The following FSTL5 variants were observed in gnomAD, a reference collection of about 807,000 sequenced individuals.
FSTL5 encodes the protein follistatin-related protein 5.
Under a neutral mutation model 89.1 loss-of-function variants are expected in FSTL5, and 62 were observed. The observed-to-expected ratio is 0.70, with a 90% confidence interval of 0.57 to 0.86. FSTL5 has a LOEUF of 0.86. Ranked by LOEUF, FSTL5 falls within the 40% of genes least tolerant of loss-of-function variation. The pLI is 0.00. For synonymous variants in FSTL5, 383 were observed against 346.2 expected, an observed-to-expected ratio of 1.11 and a Z score of -1.18; for missense variants, 1,057 against 1,001.6, an observed-to-expected ratio of 1.06 and a Z score of -0.75.
intron 1 of FSTL5, among the ~76,000 whole-genome samples, chr4:162,132,245 A>G (rs570434641): frequency 6.6e-6 from 1 of 152,324 alleles, no homozygotes; most frequent in South Asian, 2.1e-4. Flanking sequence ...ACCCTCATTT[A>G]TAGGGTTGGG....
At chr4:161,484,470 A>G (rs1246459810) in intron 12 of FSTL5, among the ~76,000 whole-genome samples, 1 of 152,186 alleles carries the variant, frequency 6.6e-6, no homozygotes, top group Non-Finnish European at 1.5e-5. Context: ...ACATTGCCCC[A>G]TAAATTTAAG....
rs535061052 is a variant in FSTL5, at chr4:161,435,085, C to A, written c.1841+19919G>T. ...TCCCATTGCTAGGCATATAACCCCC[C>A]AAAAAGGAAATCAGTATTTTGAAGA... On this transcript the variant is annotated intron_variant, in intron 15 of 15. Coordinates refer to ENST00000306100, the MANE Select transcript of FSTL5 (RefSeq NM_020116.5). 3.3e-5 allele frequency among the ~76,000 whole-genome samples: 5 copies of A among 152,056 alleles called. No homozygotes were observed. In the South Asian group the frequency reaches 8.3e-4, roughly 25 times the overall value.
intron 6 of FSTL5, among the ~76,000 whole-genome samples, chr4:161,673,444 A>T (rs1178732925): frequency 6.6e-6 from 1 of 152,068 alleles, no homozygotes; most frequent in South Asian, 2.1e-4. Flanking sequence ...AAAATTAAAT[A>T]CATTTCTTCC....
chr4:161,611,635 A>G (rs1413099982), intron 7 of FSTL5, among the ~76,000 whole-genome samples: 1 of 152,180 alleles, frequency 6.6e-6, no homozygotes, highest in Non-Finnish European at 1.5e-5. Context: ...CAGGAAGCAT[A>G]TTCCAGGGAG....
At chr4:161,745,620 C>T (rs759197711) in intron 6 of FSTL5, among the ~76,000 whole-genome samples, 4 of 151,520 alleles carry the variant, frequency 2.6e-5, no homozygotes, top group Admixed American at 6.6e-5. Flanking sequence ...TGATGGGGCT[C>T]CACAAAAATT....
At chr4:161,990,852 G>T (rs114239065) in intron 3 of FSTL5, among the ~76,000 whole-genome samples, 8,344 of 152,150 alleles carry the variant, frequency 0.055, 261 homozygotes, top group Non-Finnish European at 0.077. Context: ...CACACAATTT[G>T]AAATTGAACT....
intron 13 of FSTL5, among the ~76,000 whole-genome samples, chr4:161,475,761 T>G (rs1214618407): frequency 6.6e-6 from 1 of 151,052 alleles, no homozygotes; most frequent in Non-Finnish European, 1.5e-5. Flanking sequence ...CTGTTTTCCT[T>G]TTTTTTGAGA....
chr4:161,850,954 T>C (rs991338057), intron 4 of FSTL5, among the ~76,000 whole-genome samples: 12 of 152,114 alleles, frequency 7.9e-5, no homozygotes, highest in African/African-American at 2.9e-4. Context: ...AATACTAAGG[T>C]AATGGGTTGA....
At chr4:161,754,769 C>T (rs1296649753) in intron 6 of FSTL5, among the ~76,000 whole-genome samples, 1 of 151,934 alleles carries the variant, frequency 6.6e-6, no homozygotes, top group Non-Finnish European at 1.5e-5. Context: ...AGTTAAATGC[C>T]TCAATTAGTG....
chr4:161,407,342 C>T (rs534371162), intron 15 of FSTL5, among the ~76,000 whole-genome samples: 2 of 152,272 alleles, frequency 1.3e-5, no homozygotes, highest in South Asian at 4.1e-4. Context: ...ATTTCTACTA[C>T]ACCAACATAA....
At chr4:161,739,790 A>C (rs1175915058) in intron 6 of FSTL5, among the ~76,000 whole-genome samples, 1 of 152,092 alleles carries the variant, frequency 6.6e-6, no homozygotes, top group East Asian at 1.9e-4. Context: ...CAAGTTTAAA[A>C]CATGAGTAGC....
At chr4:161,957,590 G>A (rs145134734) in intron 3 of FSTL5, among the ~76,000 whole-genome samples, 8 of 151,984 alleles carry the variant, frequency 5.3e-5, no homozygotes, top group East Asian at 1.9e-4. Flanking sequence ...CTTGCTGAAG[G>A]GGGGAGGCAG....
At chr4:161,897,585 A>G (rs1733206340) in intron 4 of FSTL5, among the ~76,000 whole-genome samples, 1 of 150,980 alleles carries the variant, frequency 6.6e-6, no homozygotes, top group Non-Finnish European at 1.5e-5. Flanking sequence ...CAAAAAAAAA[A>G]AAAAAAAAAG....
intron 9 of FSTL5, among the ~76,000 whole-genome samples, chr4:161,540,423 G>T (rs1191656206): frequency 6.6e-6 from 1 of 150,640 alleles, no homozygotes; most frequent in African/African-American, 2.4e-5. Flanking sequence ...CTCTCAGCAA[G>T]TGATCTTGCT....
intron 1 of FSTL5, among the ~76,000 whole-genome samples, chr4:162,147,140 C>T (rs904297260): frequency 1.3e-5 from 2 of 152,022 alleles, no homozygotes; most frequent in African/African-American, 4.8e-5. Context: ...TTTAGTTATC[C>T]TGTTTCTCTA....
At chr4:161,677,711 C>G (rs971558448) in intron 6 of FSTL5, among the ~76,000 whole-genome samples, 8 of 151,932 alleles carry the variant, frequency 5.3e-5, no homozygotes, top group Admixed American at 1.3e-4. Flanking sequence ...ACTAAGAAGA[C>G]TGCAATTAAA....
intron 15 of FSTL5, among the ~76,000 whole-genome samples, chr4:161,402,186 C>T (rs998356916): frequency 1.3e-5 from 2 of 152,094 alleles, no homozygotes; most frequent in African/African-American, 2.4e-5. Flanking sequence ...AACGCACACA[C>T]TTCAGATGCA....
chr4:162,089,107 T>A (rs1468229054), intron 2 of FSTL5, among the ~76,000 whole-genome samples: 1 of 152,102 alleles, frequency 6.6e-6, no homozygotes, highest in Non-Finnish European at 1.5e-5. Flanking sequence ...TTTCCCTCTC[T>A]CTCTCTCTCA....
At chr4:161,935,602 T>G (rs1257136576) in intron 3 of FSTL5, among the ~76,000 whole-genome samples, 1 of 152,142 alleles carries the variant, frequency 6.6e-6, no homozygotes, top group Non-Finnish European at 1.5e-5. Flanking sequence ...GGACTGTTCA[T>G]GGAAATCTTC....
Sources: gnomAD v4.1 joint callset for allele counts (sites outside exome capture counted in the v4.1 genomes callset) on GRCh38, gnomAD v4.1.1 for gene constraint, MANE v1.5 for transcripts, NCBI Gene and HGNC (gene_info 2026-07-23, HGNC 2026-07-21) for gene names.